Variants in CDH13 observed in about 807,000 individuals in gnomAD.
The protein encoded by CDH13 is cadherin 13.
A neutral mutation model predicts 63.8 loss-of-function variants in CDH13; 24 were observed. The ratio of observed to expected loss-of-function variants is 0.38; its 90% CI spans 0.27 to 0.53. CDH13 has a LOEUF of 0.53. Among genes scored for constraint, CDH13 ranks in the 20% least tolerant of loss-of-function variants. The probability of loss-of-function intolerance (pLI) is 0.85; values close to 1 mark genes in which losing one functional copy is unlikely to be tolerated. For synonymous variants in CDH13, 503 were observed against 355.3 expected (o/e 1.42, Z -4.67); for missense variants, 1,049 against 903.1 (o/e 1.16, Z -2.07).
intron 6 of CDH13, among the ~76,000 whole-genome samples, chr16:83,386,109 AAGT>A (rs2091668746): frequency 6.6e-6 from 1 of 152,234 alleles, no homozygotes; most frequent in Non-Finnish European, 1.5e-5. Flanking sequence ...TGTGTGGATT[AAGT>A]AGTTAGAAAC....
At chr16:82,839,196 T>A (rs111364786) in intron 1 of CDH13, among the ~76,000 whole-genome samples, 1 of 152,188 alleles carries the variant, frequency 6.6e-6, no homozygotes, top group Non-Finnish European at 1.5e-5. Flanking sequence ...TGTCCTTCCA[T>A]TGGGGGTTAC....
intron 3 of CDH13, among the ~76,000 whole-genome samples, chr16:83,033,502 A>G (rs1916569080): frequency 6.6e-6 from 1 of 152,156 alleles, no homozygotes; most frequent in African/African-American, 2.4e-5. Context: ...CATACTATAT[A>G]TGCGCATATA....
At chr16:83,276,529 T>A (rs1597645556) in intron 5 of CDH13, among the ~76,000 whole-genome samples, 1 of 152,170 alleles carries the variant, frequency 6.6e-6, no homozygotes, top group Non-Finnish European at 1.5e-5. Context: ...AGTCTTACAG[T>A]TTCCCATGGC....
rs143056886 is a variant in CDH13 at position 83,389,776 on chromosome 16, C to T, written c.781+44770C>T. ...TGGGGCCTGGGAATCTGAAGTGGTT[C>T]CACTTTGCCAGGTGAGTCTGAGTTT... On this transcript the variant is annotated intron_variant, in intron 6 of 13. Transcript: ENST00000567109. Among the ~76,000 whole-genome samples the T allele has an allele frequency of 3.9e-5, 6 of 152,284 alleles. No homozygotes were observed. The East Asian group carries it at 1.2e-3, about 29-fold the overall frequency.
rs557727552 is a variant in CDH13 at position 83,112,975 on chromosome 16, A to C, written c.367-12410A>C. On this transcript the variant is annotated intron_variant, in intron 3 of 13. Transcript: ENST00000567109. The stretch of plus-strand genomic sequence containing the variant: ...GTGGAACTCATGTCTGGTACACATG[A>C]TTCTAGGAACTGGTGGTGTTTGGAT... Among the ~76,000 whole-genome samples, 3 of 152,310 alleles carry C rather than the reference A, an allele frequency of 2.0e-5. No individual in the cohort carries two copies. The South Asian group carries it at 6.2e-4, about 32-fold the overall frequency.
At chr16:82,890,798 T>C (rs948185765) in intron 2 of CDH13, among the ~76,000 whole-genome samples, 1 of 152,000 alleles carries the variant, frequency 6.6e-6, no homozygotes, top group South Asian at 2.1e-4. Flanking sequence ...ATTATATGCA[T>C]GCACCACCAC....
chr16:83,775,865 C>T (rs1915075467), intron 11 of CDH13, among the ~76,000 whole-genome samples: 1 of 152,114 alleles, frequency 6.6e-6, no homozygotes, highest in Non-Finnish European at 1.5e-5. Flanking sequence ...GAAAGAGGAA[C>T]AGAGGGGTGA....
At chr16:83,445,288 G>GCTTTTATAATTCATAAAA in intron 6 of CDH13, among the ~76,000 whole-genome samples, 1 of 136,014 alleles carries the variant, frequency 7.4e-6, no homozygotes, top group Non-Finnish European at 1.7e-5. Context: ...ATTTATAAAA[G>GCTTTTATAATTCATAAAA]GTTTTATAAA....
At position 83,477,529 on chromosome 16, in the gene CDH13, C is replaced by T. The variant is rs183956518; in HGVS notation, c.782-8948C>T. On this transcript the variant is annotated intron_variant, in intron 6 of 13. Transcript: ENST00000567109. ...ACCTGTATCAGGAGTATATATATCTCGTGCCCGTTTAGTCAGTGCTGCTCT... is the reference window on the plus strand; with the variant it reads ...ACCTGTATCAGGAGTATATATATCTTGTGCCCGTTTAGTCAGTGCTGCTCT... Among the ~76,000 whole-genome samples, 1,180 of 152,274 alleles carry T rather than the reference C, an allele frequency of 7.7e-3. 9 individuals are homozygous for T. Among genetic ancestry groups the T allele is most frequent in the Middle Eastern group, 0.031 (9 of 294 alleles).
intron 1 of CDH13, among the ~76,000 whole-genome samples, chr16:82,718,744 G>C (rs527669040): frequency 6.6e-6 from 1 of 152,120 alleles, no homozygotes; most frequent in Admixed American, 6.5e-5. Flanking sequence ...ATCAGATCTC[G>C]TGAGACGATC....
At chr16:83,180,272 T>C (rs1393751123) in intron 4 of CDH13, among the ~76,000 whole-genome samples, 4 of 152,200 alleles carry the variant, frequency 2.6e-5, no homozygotes, top group Admixed American at 2.6e-4. Context: ...ATTTTTGCTA[T>C]TGTAGTCTTT....
chr16:83,484,244 GGGT>G lies in CDH13; in HGVS notation c.782-2226_782-2224del, dbSNP rs2073836716. 2.6e-5 allele frequency among the ~76,000 whole-genome samples: 4 copies of G among 152,310 alleles called. No homozygotes were observed. In the South Asian group the frequency reaches 8.3e-4, roughly 32 times the overall value. On this transcript the variant is annotated intron_variant, in intron 6 of 13. Transcript: ENST00000567109. The stretch of plus-strand genomic sequence containing the variant: ...TTGCTATGGAAGGAAAAGGAATTCT[GGGT>G]GGTGGTAAAACCAGATGAATTCTAT...
intron 6 of CDH13, among the ~76,000 whole-genome samples, chr16:83,423,448 C>T (rs756298716): frequency 7.3e-5 from 11 of 151,702 alleles, no homozygotes; most frequent in Admixed American, 6.6e-4. Context: ...TCCTTGATCT[C>T]GCATCTTTTA....
At chr16:83,149,411 C>A (rs528466502) in intron 4 of CDH13, among the ~76,000 whole-genome samples, 5 of 152,238 alleles carry the variant, frequency 3.3e-5, no homozygotes, top group African/African-American at 9.6e-5. Flanking sequence ...ATTATTTATT[C>A]ATTGCGTCCA....
chr16:82,928,041 A>T (rs1276287478), intron 2 of CDH13, among the ~76,000 whole-genome samples: 1 of 152,074 alleles, frequency 6.6e-6, no homozygotes, highest in East Asian at 1.9e-4. Flanking sequence ...ATGCATTGTG[A>T]TGGGGATGGT....
At chr16:83,274,780 C>CT (rs1567556527) in intron 5 of CDH13, among the ~76,000 whole-genome samples, 1 of 152,180 alleles carries the variant, frequency 6.6e-6, no homozygotes, top group African/African-American at 2.4e-5. Context: ...AGATCTACTA[C>CT]TAAGAACCTC....
intron 7 of CDH13, among the ~76,000 whole-genome samples, chr16:83,558,066 C>G (rs78847385): frequency 8.0e-4 from 122 of 152,298 alleles, no homozygotes; most frequent in Non-Finnish European, 1.4e-3. Flanking sequence ...GCAATGCTCA[C>G]ACAGTCTACA....
intron 1 of CDH13, among the ~76,000 whole-genome samples, chr16:82,647,906 G>A (rs896791330): frequency 1.3e-5 from 2 of 152,048 alleles, no homozygotes; most frequent in South Asian, 2.1e-4. Context: ...GTCATGGGAG[G>A]GACCCTGTCG....
chr16:83,291,607 A>G (rs1489845926), intron 5 of CDH13, among the ~76,000 whole-genome samples: 1 of 152,092 alleles, frequency 6.6e-6, no homozygotes, highest in Non-Finnish European at 1.5e-5. Flanking sequence ...ATTTATTTCC[A>G]CAGAGACCAA....
Sources: allele counts gnomAD v4.1 joint callset (sites outside exome capture counted in the v4.1 genomes callset), GRCh38; gene constraint gnomAD v4.1.1; transcripts MANE v1.5; gene names NCBI Gene and HGNC (gene_info 2026-07-23, HGNC 2026-07-21).